The following KLHL14 variants were observed in gnomAD, a reference collection of about 807,000 sequenced individuals.
KLHL14 encodes the protein kelch-like protein 14.
Under a neutral mutation model 64.3 loss-of-function variants are expected in KLHL14, and 22 were observed. That is an observed-to-expected ratio of 0.34 (90% CI 0.24 to 0.49). The LOEUF (loss-of-function observed/expected upper bound fraction) is 0.49. KLHL14 is among the 20% of genes least tolerant of loss of function. The pLI, the probability that KLHL14 is intolerant of heterozygous loss-of-function variation, is 0.99. For synonymous variants in KLHL14, 322 were observed against 333.4 expected, an observed-to-expected ratio of 0.97 and a Z score of 0.37; for missense variants, 661 against 789.0, an observed-to-expected ratio of 0.84 and a Z score of 1.94.
At chr18:32,738,360 T>C (rs1382694683) in intron 3 of KLHL14, 1 of 152,140 alleles carries the variant, frequency 6.6e-6, no homozygotes, top group Non-Finnish European at 1.5e-5. Flanking sequence ...CTGTACTGCT[T>C]TCTAATAAGT....
chr18:32,704,796 T>G (rs1179610320), intron 3 of KLHL14, among the ~76,000 whole-genome samples: 1 of 152,188 alleles, frequency 6.6e-6, no homozygotes, highest in Non-Finnish European at 1.5e-5. Context: ...TACCTATTGG[T>G]TATTATGCCA....
chr18:32,677,603 A>G (rs1266719446), intron 7 of KLHL14, among the ~76,000 whole-genome samples: 1 of 152,220 alleles, frequency 6.6e-6, no homozygotes, highest in African/African-American at 2.4e-5. Flanking sequence ...TCTTATTAAA[A>G]TGGTTTATTA....
rs1251701831 is a variant in KLHL14, at chr18:32,770,355, C to A, written c.237G>T (p.Gly79=). The A allele has an allele frequency of 1.3e-6, 2 of 1,585,348 alleles. No individual in the cohort carries two copies. The highest frequency in any genetic ancestry group is 1.7e-5 in the Admixed American group (1 of 57,592). Residue 79 remains glycine (G), a synonymous_variant, in exon 2 of 9, where the codon GGG becomes GGT. Transcript: ENST00000359358. The surrounding 1 kb of genome is among the most constrained non-coding windows in gnomAD (Gnocchi z 6.7). The part of the protein sequence containing the change: ...GGGVGGQDGL[G]APKDQQQPPQ... ...GCGGCTGCTGCTGGTCCTTGGGGGC[C>A]CCCAGGCCGTCCTGGCCGCCGACCC...
At chr18:32,748,741 C>A (rs993152670) in intron 2 of KLHL14, among the ~76,000 whole-genome samples, 3 of 151,904 alleles carry the variant, frequency 2.0e-5, no homozygotes, top group Non-Finnish European at 4.4e-5. Context: ...CCCCCGACCT[C>A]GGTCTCCCAA....
intron 3 of KLHL14, among the ~76,000 whole-genome samples, chr18:32,705,189 C>T (rs1196538214): frequency 6.6e-6 from 1 of 152,130 alleles, no homozygotes; most frequent in African/African-American, 2.4e-5. Context: ...TGTCTGAAAT[C>T]TTATAAGTTC....
At chr18:32,694,940 G>A (rs1470373073) in intron 4 of KLHL14, among the ~76,000 whole-genome samples, 1 of 152,200 alleles carries the variant, frequency 6.6e-6, no homozygotes, top group Non-Finnish European at 1.5e-5. Flanking sequence ...CTACGGGGAG[G>A]ATGGTGGATA....
rs756900805 is a variant in KLHL14, at chr18:32,770,640, A to C, written c.-43-6T>G. ...GCTTTAAACCCTCCTCCAACCTGGC[A>C]GACAGGGGTGGGGGATGGGAGGGAG... is the stretch of plus-strand genomic sequence containing the variant. On this transcript the variant is annotated splice_region_variant and splice_polypyrimidine_tract_variant and intron_variant, in intron 1 of 8. Transcript: ENST00000359358. The surrounding 1 kb of genome is among the most constrained non-coding windows in gnomAD (Gnocchi z 6.7). 22 of 1,000,116 alleles carry C rather than the reference A, an allele frequency of 2.2e-5. No homozygotes were observed. In the Admixed American group the frequency reaches 2.6e-4, roughly 12 times the overall value. The allele number at this position is 1,000,116 out of a possible 1,614,324, so 62.0% of individuals were successfully genotyped here. A position where few individuals can be genotyped will look rare whatever the true frequency, so the allele number is the denominator to read the frequency against.
chr18:32,749,866 G>A (rs1438485555), intron 2 of KLHL14, among the ~76,000 whole-genome samples: 1 of 152,112 alleles, frequency 6.6e-6, no homozygotes, highest in Non-Finnish European at 1.5e-5. Flanking sequence ...GGATGTGTGA[G>A]TCAGTTCAGG....
chr18:32,727,737 T>C (rs1275082067), intron 3 of KLHL14, among the ~76,000 whole-genome samples: 1 of 152,192 alleles, frequency 6.6e-6, no homozygotes, highest in African/African-American at 2.4e-5. Flanking sequence ...GCTACTGATA[T>C]TTGATAAAGT....
intron 2 of KLHL14, among the ~76,000 whole-genome samples, chr18:32,762,640 C>G (rs1213725702): frequency 6.6e-6 from 1 of 152,052 alleles, no homozygotes; most frequent in Non-Finnish European, 1.5e-5. Context: ...AATGAACACA[C>G]TCATTGTATC....
rs2144459742 is a variant in KLHL14, at chr18:32,674,725, C to T, written c.1819G>A (p.Ala607Thr). The part of the protein sequence containing the change: ...GTWTELEGDV[A>T]EPLAGPACVT... Reference sequence around the variant, plus strand: ...CAGGCAGGGCCTGCCAACGGTTCTGCTACATCTCCTTCGAGTTCTGTCCAG... The same window carrying T: ...CAGGCAGGGCCTGCCAACGGTTCTGTTACATCTCCTTCGAGTTCTGTCCAG... The change falls in exon 9 of 9, where the codon GCA (alanine) becomes ACA (threonine). Residue 607 changes from alanine (A) to threonine (T), a missense_variant. Ala to Thr is a moderately conservative substitution (Grantham distance 58). This residue lies in a region of KLHL14 where 330 missense variants were observed against 450.0 expected (regional missense o/e 0.73). Transcript: ENST00000359358. The T allele has an allele frequency of 1.3e-6, 1 of 780,970 alleles. No homozygotes were observed. Among genetic ancestry groups the T allele is most frequent in the South Asian group, 1.3e-5 (1 of 74,616 alleles). 48.4% of individuals were successfully genotyped at this position (780,970 alleles called of 1,614,324 possible).
chr18:32,721,850 C>G (rs1296875125), intron 3 of KLHL14, among the ~76,000 whole-genome samples: 1 of 152,140 alleles, frequency 6.6e-6, no homozygotes, highest in East Asian at 1.9e-4. Flanking sequence ...CCCACATGAC[C>G]TAAAAATTGT....
chr18:32,695,457 A>G lies in KLHL14; in HGVS notation c.1159+6T>C. 1 of 1,588,460 alleles carries G rather than the reference A, an allele frequency of 6.3e-7. No individual in the cohort carries two copies. The highest frequency in any genetic ancestry group is 8.6e-7 in the Non-Finnish European group (1 of 1,156,906). On this transcript the variant is annotated splice_donor_region_variant and intron_variant, in intron 4 of 8. Transcript: ENST00000359358. ...AGCACCTCCAATTAAGTTGTTCAAT[A>G]GTTACCATTCGGATTCCACTGGTCC... is the stretch of plus-strand genomic sequence containing the variant.
chr18:32,769,710 C>T lies in KLHL14; in HGVS notation c.882G>A (p.Leu294=). Residue 294 remains leucine (L), a synonymous_variant, in exon 2 of 9, where the codon CTG becomes CTA. Coordinates refer to ENST00000359358, the MANE Select transcript of KLHL14 (RefSeq NM_020805.3). ...MRTDPVCQKL[L]LDAMNYHLMP... ...TCAGGTGGTAGTTCATGGCGTCCAGCAGCAGCTTCTGGCAGACCGGGTCGG... is the reference window on the plus strand; with the variant it reads ...TCAGGTGGTAGTTCATGGCGTCCAGTAGCAGCTTCTGGCAGACCGGGTCGG... 6.3e-7 allele frequency: 1 copy of T among 1,577,604 alleles called. No homozygotes were observed. Among genetic ancestry groups the T allele is most frequent in the Non-Finnish European group, 8.6e-7 (1 of 1,159,312 alleles).
chr18:32,701,951 C>T (rs2144491601), intron 3 of KLHL14, among the ~76,000 whole-genome samples: 2 of 152,312 alleles, frequency 1.3e-5, no homozygotes, highest in East Asian at 3.9e-4. Flanking sequence ...CCCATTTTTA[C>T]ATTTGTATCT....
intron 3 of KLHL14, among the ~76,000 whole-genome samples, chr18:32,706,728 T>C (rs1177186146): frequency 2.0e-5 from 3 of 152,188 alleles, no homozygotes; most frequent in Non-Finnish European, 4.4e-5. Flanking sequence ...TAGGTGTTTT[T>C]TTTTAAGTCG....
intron 4 of KLHL14, among the ~76,000 whole-genome samples, chr18:32,689,481 C>T (rs895649472): frequency 3.9e-5 from 6 of 152,242 alleles, no homozygotes; most frequent in Admixed American, 3.9e-4. Context: ...GTGGCCTCAA[C>T]AAGAATTGCT....
rs1270075440 is a variant in KLHL14 at position 32,770,508 on chromosome 18, C to T, written c.84G>A (p.Arg28=). The T allele has an allele frequency of 6.2e-7, 1 of 1,611,382 alleles. No individual in the cohort carries two copies. The highest frequency in any genetic ancestry group is 1.1e-5 in the South Asian group (1 of 91,008). Residue 28 remains arginine, a synonymous_variant, in exon 2 of 9, where the codon AGG becomes AGA. Transcript: ENST00000359358. This position sits in a 1 kb window ranked among gnomAD's most constrained non-coding sequence, Gnocchi z 6.7. ...GGGTCACGTCGCAAAACAGCTGCTT[C>T]CTCCACAGCAGGTTGAGGCCGTGCA... The part of the protein sequence containing the change: ...NLLHGLNLLW[R]KQLFCDVTLT...
chr18:32,748,075 A>C (rs1427332772), intron 2 of KLHL14, among the ~76,000 whole-genome samples: 2 of 152,194 alleles, frequency 1.3e-5, no homozygotes, highest in Admixed American at 1.3e-4. Context: ...CCTAGTGGGG[A>C]CATCTATGGA....
Sources: allele counts gnomAD v4.1 joint callset (sites outside exome capture counted in the v4.1 genomes callset), GRCh38; gene constraint gnomAD v4.1.1; regional missense constraint gnomAD v4.1.1; non-coding constraint Gnocchi (gnomAD v3.1); transcripts MANE v1.5; gene names NCBI Gene and HGNC (gene_info 2026-07-23, HGNC 2026-07-21).